Variants in ATG5 observed in about 807,000 individuals in gnomAD.
The protein encoded by ATG5 is autophagy protein 5.
A neutral mutation model predicts 36.5 loss-of-function variants in ATG5; 14 were observed. The ratio of observed to expected loss-of-function variants is 0.38; its 90% CI spans 0.25 to 0.60. The LOEUF (loss-of-function observed/expected upper bound fraction) is 0.60, where lower values mean the gene tolerates loss of function less well. Among genes scored for constraint, ATG5 ranks in the 20% least tolerant of loss-of-function variants. The pLI, the probability that ATG5 is intolerant of heterozygous loss-of-function variation, is 0.60. For synonymous variants in ATG5, 95 were observed against 101.5 expected (o/e 0.94, Z 0.38); for missense variants, 195 against 326.7 (o/e 0.60, Z 3.11).
intron 3 of ATG5, among the ~76,000 whole-genome samples, chr6:106,295,493 A>C (rs1261527090): frequency 6.6e-6 from 1 of 152,202 alleles, no homozygotes; most frequent in Admixed American, 6.5e-5. Context: ...TGTGTGAAAC[A>C]CTTTTGTGAA....
chr6:106,301,789 C>T (rs1770218353), intron 3 of ATG5, among the ~76,000 whole-genome samples: 1 of 151,994 alleles, frequency 6.6e-6, no homozygotes. Flanking sequence ...AGACTCTGGT[C>T]CCAACCATTT....
intron 5 of ATG5, among the ~76,000 whole-genome samples, chr6:106,273,141 A>G (rs1263629878): frequency 6.6e-6 from 1 of 152,244 alleles, no homozygotes; most frequent in Non-Finnish European, 1.5e-5. Context: ...AAGGTTCAAG[A>G]AGAGTAGTTA....
At chr6:106,196,653 G>A (rs1360474025) in intron 7 of ATG5, among the ~76,000 whole-genome samples, 1 of 152,014 alleles carries the variant, frequency 6.6e-6, no homozygotes, top group Non-Finnish European at 1.5e-5. Context: ...AACCTGGGAG[G>A]CAGGGGTTGC....
At chr6:106,302,504 G>A (rs1770259101) in intron 3 of ATG5, among the ~76,000 whole-genome samples, 1 of 151,984 alleles carries the variant, frequency 6.6e-6, no homozygotes, top group South Asian at 2.1e-4. Flanking sequence ...TTAAAAGCAG[G>A]AAGACAAATT....
At chr6:106,256,716 A>C (rs1431859497) in intron 5 of ATG5, among the ~76,000 whole-genome samples, 1 of 152,158 alleles carries the variant, frequency 6.6e-6, no homozygotes, top group Non-Finnish European at 1.5e-5. Context: ...CATATAAAAT[A>C]TTTTTAAAAG....
At chr6:106,254,379 G>T (rs904577942) in intron 5 of ATG5, among the ~76,000 whole-genome samples, 1 of 152,148 alleles carries the variant, frequency 6.6e-6, no homozygotes, top group Non-Finnish European at 1.5e-5. Context: ...TGAGGGCAAA[G>T]ACTTTATCTT....
chr6:106,317,810 T>C (rs892938846), intron 1 of ATG5, among the ~76,000 whole-genome samples: 4 of 152,228 alleles, frequency 2.6e-5, no homozygotes, highest in Admixed American at 2.6e-4. Context: ...CCTCACTACG[T>C]CCTGATTACA....
chr6:106,324,026 T>G (rs1169965271), intron 1 of ATG5, among the ~76,000 whole-genome samples: 3 of 152,140 alleles, frequency 2.0e-5, no homozygotes, highest in Admixed American at 2.0e-4. Context: ...TAATATCATC[T>G]TTTCTATGGC....
chr6:106,293,149 G>T (rs764673538), intron 3 of ATG5, 43 bp from the exon 4 acceptor site: 1 of 1,526,382 alleles, frequency 6.6e-7, no homozygotes, highest in South Asian at 1.1e-5. Flanking sequence ...AATATTTAAA[G>T]TTATAACTAC....
chr6:106,268,224 T>C (rs1435864763), intron 5 of ATG5, among the ~76,000 whole-genome samples: 2 of 152,210 alleles, frequency 1.3e-5, no homozygotes, highest in East Asian at 1.9e-4. Context: ...GCGAAGGATA[T>C]GAGCAGGCAC....
intron 4 of ATG5, among the ~76,000 whole-genome samples, chr6:106,291,640 C>CA (rs1329649667): frequency 6.6e-6 from 1 of 152,050 alleles, no homozygotes; most frequent in Non-Finnish European, 1.5e-5. Flanking sequence ...TTTTCACACA[C>CA]AAAAAAATCT....
At chr6:106,191,769 CAGA>C (rs1473285082) in intron 7 of ATG5, among the ~76,000 whole-genome samples, 5 of 152,002 alleles carry the variant, frequency 3.3e-5, no homozygotes, top group African/African-American at 1.2e-4. Context: ...TATGTGAGGA[CAGA>C]AGATCATTTT....
At chr6:106,262,772 C>T (rs1372805075) in intron 5 of ATG5, among the ~76,000 whole-genome samples, 1 of 152,166 alleles carries the variant, frequency 6.6e-6, no homozygotes, top group Non-Finnish European at 1.5e-5. Flanking sequence ...AGCCTCCCTC[C>T]CCCAGCCAAG....
At position 106,316,653 on chromosome 6, in the gene ATG5, T is replaced by C. The variant is rs192232108; in HGVS notation, c.-58-387A>G. 1.7e-3 allele frequency among the ~76,000 whole-genome samples: 257 copies of C among 152,274 alleles called. 2 individuals carry two copies. The highest frequency in any genetic ancestry group is 5.9e-3 in the African/African-American group (246 of 41,554). ...CAACTCCAAAGGATCATTCTCGCAT[T>C]TACCCCTGCCCCGTCCAATATATTC... On this transcript the variant is annotated intron_variant, in intron 1 of 7. Coordinates refer to ENST00000369076, the MANE Select transcript of ATG5 (RefSeq NM_004849.4).
Position 106,186,291 on chromosome 6 carries a change from T to A in ATG5, c.*249A>T. The A allele has an allele frequency of 2.3e-6, 1 of 434,494 alleles. No homozygotes were observed. The allele number at this position is 434,494 out of a possible 1,614,324, so 26.9% of individuals were successfully genotyped here. A position where few individuals can be genotyped will look rare whatever the true frequency, so the allele number is the denominator to read the frequency against. The stretch of plus-strand genomic sequence containing the variant: ...GCTTCATTATATTTTACAGAAGACC[T>A]TCAGTGGTCCGGTAAGTCTTTCATG... On this transcript the variant is annotated 3_prime_UTR_variant, in exon 8 of 8. Transcript: ENST00000369076.
intron 4 of ATG5, among the ~76,000 whole-genome samples, chr6:106,282,947 C>A (rs1239889185): frequency 1.3e-5 from 2 of 152,058 alleles, no homozygotes; most frequent in Non-Finnish European, 2.9e-5. Context: ...CCACCACACT[C>A]AGCTAATTTT....
intron 5 of ATG5, among the ~76,000 whole-genome samples, chr6:106,256,598 TAG>T (rs1240897826): frequency 6.6e-6 from 1 of 151,938 alleles, no homozygotes; most frequent in Non-Finnish European, 1.5e-5. Flanking sequence ...TTAGAAAACC[TAG>T]AGAGTACAGA....
intron 5 of ATG5, among the ~76,000 whole-genome samples, chr6:106,252,711 A>G (rs1420750102): frequency 6.6e-6 from 1 of 152,252 alleles, no homozygotes; most frequent in African/African-American, 2.4e-5. Flanking sequence ...AGGAGAGTGT[A>G]GGGATTGCTA....
intron 5 of ATG5, among the ~76,000 whole-genome samples, chr6:106,273,219 G>A (rs554961810): frequency 1.1e-4 from 16 of 152,110 alleles, no homozygotes; most frequent in Non-Finnish European, 2.2e-4. Flanking sequence ...ACCTGACACT[G>A]TAACAAAAAA....
Sources: allele counts gnomAD v4.1 joint callset (sites outside exome capture counted in the v4.1 genomes callset), GRCh38; gene constraint gnomAD v4.1.1; transcripts MANE v1.5; gene names NCBI Gene and HGNC (gene_info 2026-07-23, HGNC 2026-07-21).